Variants in EYA3 observed in about 807,000 individuals in gnomAD.
EYA3 encodes EYA transcriptional coactivator and phosphatase 3, also known as protein phosphatase EYA3.
Under a neutral mutation model 80.0 loss-of-function variants are expected in EYA3, and 39 were observed. The observed-to-expected ratio is 0.49, with a 90% CI of 0.38 to 0.64. The LOEUF (loss-of-function observed/expected upper bound fraction) is 0.64, where lower values mean the gene tolerates loss of function less well. EYA3 is among the 30% of genes least tolerant of loss of function. The pLI is 0.00. For synonymous variants in EYA3, 206 were observed against 232.8 expected (o/e 0.88, Z 1.05); for missense variants, 523 against 676.1 (o/e 0.77, Z 2.51).
intron 1 of EYA3, among the ~76,000 whole-genome samples, chr1:28,068,956 A>C (rs1644927529): frequency 2.0e-5 from 3 of 150,586 alleles, no homozygotes; most frequent in Admixed American, 6.6e-5. Flanking sequence ...ACAGGTGTCC[A>C]CCACCATGCC....
chr1:28,054,635 AC>A (rs1644377090), intron 2 of EYA3, among the ~76,000 whole-genome samples: 2 of 152,116 alleles, frequency 1.3e-5, no homozygotes, highest in Admixed American at 1.3e-4. Context: ...AAGGTGGGGG[AC>A]CTGCTTGAGC....
chr1:28,084,421 G>C (rs1032962123), intron 1 of EYA3, among the ~76,000 whole-genome samples: 2 of 150,884 alleles, frequency 1.3e-5, no homozygotes, highest in South Asian at 4.2e-4. Flanking sequence ...CTTTGTAAAA[G>C]AATATGCACT....
chr1:28,044,935 C>CTAATTTTTG, intron 3 of EYA3, among the ~76,000 whole-genome samples: 1 of 152,100 alleles, frequency 6.6e-6, no homozygotes, highest in South Asian at 2.1e-4. Flanking sequence ...CAACACCCAG[C>CTAATTTTTG]TAATTTTTGT....
Position 28,006,934 on chromosome 1 carries a change from C to CTTTT in EYA3, c.910-2519_910-2516dup, listed in dbSNP as rs58401673. Among the ~76,000 whole-genome samples, 427 of 91,978 alleles carry CTTTT rather than the reference C, an allele frequency of 4.6e-3. 22 individuals carry two copies. Among genetic ancestry groups the CTTTT allele is most frequent in the African/African-American group, 0.018 (399 of 22,666 alleles). 60.3% of individuals were successfully genotyped at this position (91,978 alleles called of 152,430 possible). A position where few individuals can be genotyped will look rare whatever the true frequency, so the allele number is the denominator to read the frequency against. On this transcript the variant is annotated intron_variant, in intron 10 of 17. Transcript: ENST00000373871. ...ATTATCTGTTTGCAGATGACATAATCTTTTTTTTTTTTTTTTTTTTTTTTG... is the reference window on the plus strand; with the variant it reads ...ATTATCTGTTTGCAGATGACATAATCTTTTTTTTTTTTTTTTTTTTTTTTTTTTG...
intron 2 of EYA3, among the ~76,000 whole-genome samples, chr1:28,049,067 G>A (rs1282036496): frequency 6.6e-6 from 1 of 152,082 alleles, no homozygotes; most frequent in African/African-American, 2.4e-5. Flanking sequence ...GGTTAGAACT[G>A]GTTGTAGTAG....
intron 1 of EYA3, among the ~76,000 whole-genome samples, chr1:28,075,453 T>C (rs1455528014): frequency 2.0e-5 from 3 of 152,110 alleles, no homozygotes; most frequent in Admixed American, 1.3e-4. Context: ...CAAATACAGA[T>C]GGTCTTGTGA....
intron 13 of EYA3, among the ~76,000 whole-genome samples, chr1:27,995,676 T>C (rs1356417663): frequency 6.6e-6 from 1 of 151,124 alleles, no homozygotes; most frequent in Non-Finnish European, 1.5e-5. Context: ...GGGACAGGGG[T>C]TACAATGAGC....
At chr1:28,072,172 T>C (rs536344065) in intron 1 of EYA3, among the ~76,000 whole-genome samples, 11 of 152,140 alleles carry the variant, frequency 7.2e-5, no homozygotes, top group Non-Finnish European at 1.5e-4. Flanking sequence ...AAAATAGTCT[T>C]GCAAAAAACA....
At chr1:27,998,572 G>C (rs1443326621) in intron 12 of EYA3, among the ~76,000 whole-genome samples, 1 of 152,008 alleles carries the variant, frequency 6.6e-6, no homozygotes, top group East Asian at 1.9e-4. Flanking sequence ...TATTTTAAAA[G>C]AGATGGGATT....
At position 27,984,366 on chromosome 1, in the gene EYA3, TC is replaced by T. The variant is rs1639508271; in HGVS notation, c.1540+4168del. Among the ~76,000 whole-genome samples, 3 of 152,148 alleles carry T rather than the reference TC, an allele frequency of 2.0e-5. 1 individual carries two copies. The South Asian group carries it at 6.2e-4, about 32-fold the overall frequency. ...TTTAACTGTATGTAAAATTAAAAGTTCCATGCAATCAATGATTTTTTTTTTT... is the reference window on the plus strand; with the variant it reads ...TTTAACTGTATGTAAAATTAAAAGTTCATGCAATCAATGATTTTTTTTTTT... On this transcript the variant is annotated intron_variant, in intron 16 of 17. Transcript: ENST00000373871.
chr1:28,040,009 G>T (rs777945598), intron 4 of EYA3, among the ~76,000 whole-genome samples: 2 of 152,028 alleles, frequency 1.3e-5, no homozygotes, highest in Non-Finnish European at 2.9e-5. Flanking sequence ...TTTAATTCTG[G>T]AAGGAATCAA....
rs189558680 is a variant in EYA3, at chr1:28,038,831, C to T, written c.224+8G>A. 1.6e-3 allele frequency: 2,452 copies of T among 1,523,962 alleles called. 4 individuals are homozygous for T. Among genetic ancestry groups the T allele is most frequent in the Non-Finnish European group, 2.0e-3 (2,290 of 1,120,744 alleles). 94.4% of individuals were successfully genotyped at this position (1,523,962 alleles called of 1,614,324 possible). On this transcript the variant is annotated splice_region_variant and intron_variant, in intron 5 of 17. Transcript: ENST00000373871. ...CATATGCATTTTGGAAATAATTATTCAACTTACTTTGCAGAATACATTTGT... is the reference window on the plus strand; with the variant it reads ...CATATGCATTTTGGAAATAATTATTTAACTTACTTTGCAGAATACATTTGT...
chr1:28,074,529 T>A (rs912034906), intron 1 of EYA3, among the ~76,000 whole-genome samples: 4 of 142,904 alleles, frequency 2.8e-5, no homozygotes, highest in African/African-American at 1.0e-4. Context: ...TTTTTTTTTT[T>A]AAAGAAATGA....
Position 28,022,173 on chromosome 1 carries a change from G to C in EYA3, c.500-4934C>G, listed in dbSNP as rs192501164. On this transcript the variant is annotated intron_variant, in intron 7 of 17. Transcript: ENST00000373871. ...TAAAAGATTATTATTTTTTGAGACA[G>C]AGTCTCGCTCTGTCGCCCAGGCTGG... is the stretch of plus-strand genomic sequence containing the variant. Among the ~76,000 whole-genome samples the C allele has an allele frequency of 1.4e-3, 212 of 152,116 alleles. 1 individual carries two copies. The highest frequency in any genetic ancestry group is 4.9e-3 in the African/African-American group (202 of 41,488).
At chr1:28,065,062 G>A (rs1279479302) in intron 1 of EYA3, among the ~76,000 whole-genome samples, 5 of 152,182 alleles carry the variant, frequency 3.3e-5, no homozygotes, top group Admixed American at 3.3e-4. Flanking sequence ...GGGATACACT[G>A]CAAGACCCCC....
At chr1:28,070,480 T>C (rs1644983613) in intron 1 of EYA3, among the ~76,000 whole-genome samples, 1 of 152,052 alleles carries the variant, frequency 6.6e-6, no homozygotes, top group African/African-American at 2.4e-5. Flanking sequence ...AAGAATCACT[T>C]GAACCCAGGA....
chr1:28,070,624 A>G (rs1194158121), intron 1 of EYA3, among the ~76,000 whole-genome samples: 3 of 152,226 alleles, frequency 2.0e-5, no homozygotes, highest in African/African-American at 7.2e-5. Context: ...AGCTGAAAAA[A>G]AAATGCTTCC....
intron 8 of EYA3, among the ~76,000 whole-genome samples, chr1:28,015,514 G>A (rs1641992684): frequency 6.6e-6 from 1 of 152,132 alleles, no homozygotes; most frequent in Admixed American, 6.6e-5. Context: ...GGGTGACAGA[G>A]CGAGACTCTG....
At chr1:28,066,393 C>T (rs1553156346) in intron 1 of EYA3, among the ~76,000 whole-genome samples, 1 of 148,632 alleles carries the variant, frequency 6.7e-6, no homozygotes. Context: ...ATAAAAAATA[C>T]AAAAAAAACC....
Sources: gnomAD v4.1 joint callset for allele counts (sites outside exome capture counted in the v4.1 genomes callset) on GRCh38, gnomAD v4.1.1 for gene constraint, MANE v1.5 for transcripts, NCBI Gene and HGNC (gene_info 2026-07-23, HGNC 2026-07-21) for gene names.